The following CTDSPL2 variants were observed in gnomAD, a reference collection of about 807,000 sequenced individuals.
CTDSPL2 encodes the protein CTD small phosphatase like 2, also known as CTD small phosphatase-like protein 2.
In CTDSPL2, 5 loss-of-function variants were observed where a neutral mutation model predicts 60.0. The ratio of observed to expected loss-of-function variants is 0.08; its 90% CI spans 0.04 to 0.18. CTDSPL2 has a LOEUF of 0.18. Ranked by LOEUF, CTDSPL2 falls within the 10% of genes least tolerant of loss-of-function variation. CTDSPL2 has a pLI of 1.00. For missense variants in CTDSPL2, 370 were observed against 548.8 expected (o/e 0.67, Z 3.26); for synonymous variants, 186 against 189.3 (o/e 0.98, Z 0.14).
At chr15:44,494,538 G>A (rs547629529) in intron 5 of CTDSPL2, among the ~76,000 whole-genome samples, 9 of 151,948 alleles carry the variant, frequency 5.9e-5, no homozygotes, top group Non-Finnish European at 7.4e-5. Flanking sequence ...AGCCCAGGTC[G>A]AGTCCACAGT....
Position 44,497,084 on chromosome 15 carries a change from T to A in CTDSPL2, c.828T>A (p.Pro276=). The A allele has an allele frequency of 6.2e-7, 1 of 1,611,972 alleles. No individual in the cohort carries two copies. The change falls in exon 7 of 13, where the codon CCT becomes CCA. Residue 276 remains proline (P), a synonymous_variant. Transcript: ENST00000260327. ...CAGAAGAACAACTAAATAGGAAACCTGCTCTTCCGTTGAAAACAAGAAGCA... is the reference window on the plus strand; with the variant it reads ...CAGAAGAACAACTAAATAGGAAACCAGCTCTTCCGTTGAAAACAAGAAGCA... ...PLTEEQLNRK[P]ALPLKTRSTP...
chr15:44,477,686 A>G (rs2080946873), intron 2 of CTDSPL2, among the ~76,000 whole-genome samples: 1 of 149,946 alleles, frequency 6.7e-6, no homozygotes, highest in African/African-American at 2.5e-5. Context: ...AAAATACAAA[A>G]AATTAGCTGG....
chr15:44,441,222 G>GTT (rs201115106), intron 1 of CTDSPL2, among the ~76,000 whole-genome samples: 2 of 151,718 alleles, frequency 1.3e-5, no homozygotes, highest in African/African-American at 4.8e-5. Flanking sequence ...CAGTGGTAGA[G>GTT]TTTTTTTTTC....
At chr15:44,429,434 C>T (rs1326365302) in intron 1 of CTDSPL2, among the ~76,000 whole-genome samples, 1 of 152,082 alleles carries the variant, frequency 6.6e-6, no homozygotes, top group Non-Finnish European at 1.5e-5. Flanking sequence ...TAGTTAATAG[C>T]GTTAATGTTT....
intron 1 of CTDSPL2, among the ~76,000 whole-genome samples, chr15:44,431,692 T>G (rs2079859841): frequency 1.4e-5 from 2 of 146,332 alleles, no homozygotes; most frequent in African/African-American, 2.5e-5. Flanking sequence ...GAGTTAAGTT[T>G]TTTGTTTGTT....
intron 2 of CTDSPL2, among the ~76,000 whole-genome samples, chr15:44,459,463 G>T (rs2080518374): frequency 6.6e-6 from 1 of 152,148 alleles, no homozygotes; most frequent in Non-Finnish European, 1.5e-5. Flanking sequence ...AGGGGGCGGA[G>T]CCTGTAGTGA....
intron 8 of CTDSPL2, among the ~76,000 whole-genome samples, chr15:44,507,717 T>C (rs2081494538): frequency 6.6e-6 from 1 of 152,230 alleles, no homozygotes; most frequent in African/African-American, 2.4e-5. Context: ...TCCAAAAGTA[T>C]AGATTTTGGC....
At chr15:44,473,784 A>G (rs972565141) in intron 2 of CTDSPL2, among the ~76,000 whole-genome samples, 2 of 152,222 alleles carry the variant, frequency 1.3e-5, no homozygotes, top group African/African-American at 4.8e-5. Flanking sequence ...TTCACCGTCT[A>G]ACATTCCATT....
chr15:44,483,933 G>A (rs1239361055), intron 2 of CTDSPL2, among the ~76,000 whole-genome samples: 1 of 152,144 alleles, frequency 6.6e-6, no homozygotes, highest in Non-Finnish European at 1.5e-5. Context: ...AAGATTCAGA[G>A]CACATTCTAT....
chr15:44,509,567 A>G (rs1004422837), intron 8 of CTDSPL2, among the ~76,000 whole-genome samples: 2 of 152,172 alleles, frequency 1.3e-5, no homozygotes, highest in Non-Finnish European at 2.9e-5. Context: ...AGTACTATCT[A>G]TATACAATTT....
intron 8 of CTDSPL2, among the ~76,000 whole-genome samples, chr15:44,506,982 C>T (rs139723338): frequency 0.047 from 7,093 of 150,814 alleles, 321 homozygotes; most frequent in East Asian, 0.23. Context: ...TAAGCCAGGA[C>T]GGTCTCAATC....
intron 2 of CTDSPL2, among the ~76,000 whole-genome samples, chr15:44,467,042 AAAG>A (rs1438701979): frequency 6.6e-6 from 1 of 152,242 alleles, no homozygotes; most frequent in Non-Finnish European, 1.5e-5. Context: ...TAAACATAGA[AAAG>A]AAACAGTAAA....
chr15:44,509,419 C>G (rs2081528360), intron 8 of CTDSPL2, among the ~76,000 whole-genome samples: 1 of 151,984 alleles, frequency 6.6e-6, no homozygotes, highest in South Asian at 2.1e-4. Flanking sequence ...GTTGGCCAGG[C>G]TGGTCTTGAA....
intron 2 of CTDSPL2, among the ~76,000 whole-genome samples, chr15:44,472,191 C>T (rs183295445): frequency 2.0e-5 from 3 of 152,122 alleles, no homozygotes; most frequent in East Asian, 1.9e-4. Context: ...ATCTGTTTTC[C>T]GTTGTCTTGG....
At chr15:44,484,509 C>T (rs567566522) in intron 3 of CTDSPL2, 147 bp downstream of exon 3, 7 of 741,354 alleles carry the variant, frequency 9.4e-6, no homozygotes, top group South Asian at 1.8e-5. Context: ...CCGAGGTCGG[C>T]GGATCATTTG....
At chr15:44,462,532 T>G (rs2080593196) in intron 2 of CTDSPL2, among the ~76,000 whole-genome samples, 1 of 151,712 alleles carries the variant, frequency 6.6e-6, no homozygotes, top group African/African-American at 2.4e-5. Flanking sequence ...GAGTTCGTGC[T>G]CCTATGAGAA....
intron 10 of CTDSPL2, 77 bp from the exon 11 acceptor site, chr15:44,519,092 T>C: frequency 3.3e-6 from 3 of 906,568 alleles, no homozygotes; most frequent in Non-Finnish European, 4.5e-6. Flanking sequence ...ATAAAGCCTA[T>C]GGTGTATATA....
intron 4 of CTDSPL2, among the ~76,000 whole-genome samples, chr15:44,489,069 C>CTG (rs1204158093): frequency 1.3e-5 from 2 of 152,126 alleles, no homozygotes; most frequent in East Asian, 3.9e-4. Context: ...GTGTGTGTCT[C>CTG]TGTCTCTCTC....
At chr15:44,515,853 A>AC (rs1380147717) in intron 10 of CTDSPL2, among the ~76,000 whole-genome samples, 1 of 152,104 alleles carries the variant, frequency 6.6e-6, no homozygotes, top group Non-Finnish European at 1.5e-5. Context: ...AGCCTGGGCA[A>AC]CAAGAGCAAA....
Sources: gnomAD v4.1 joint callset for allele counts (sites outside exome capture counted in the v4.1 genomes callset) on GRCh38, gnomAD v4.1.1 for gene constraint, MANE v1.5 for transcripts, NCBI Gene and HGNC (gene_info 2026-07-23, HGNC 2026-07-21) for gene names.